ADAMTS12: variants seen among roughly 807,000 people sequenced by gnomAD.
The protein encoded by ADAMTS12 is ADAM metallopeptidase with thrombospondin type 1 motif 12, also known as A disintegrin and metalloproteinase with thrombospondin motifs 12.
A neutral mutation model predicts 167.8 loss-of-function variants in ADAMTS12; 118 were observed. The observed-to-expected ratio is 0.70, with a 90% CI of 0.61 to 0.82. The LOEUF is 0.82. Among genes scored for constraint, ADAMTS12 ranks in the 40% least tolerant of loss-of-function variants. The probability of loss-of-function intolerance (pLI) is 0.00; values close to 1 mark genes in which losing one functional copy is unlikely to be tolerated. For synonymous variants in ADAMTS12, 704 were observed against 716.9 expected, an observed-to-expected ratio of 0.98 and a Z score of 0.29; for missense variants, 1,916 against 1,998.8, an observed-to-expected ratio of 0.96 and a Z score of 0.79.
chr5:33,655,702 C>T (rs1741034871), intron 7 of ADAMTS12, among the ~76,000 whole-genome samples: 1 of 151,108 alleles, frequency 6.6e-6, no homozygotes, highest in Admixed American at 6.6e-5. Flanking sequence ...AGGTTTGTTA[C>T]ATAAGTATAC....
At chr5:33,585,613 T>A (rs968614834) in intron 18 of ADAMTS12, among the ~76,000 whole-genome samples, 3 of 152,170 alleles carry the variant, frequency 2.0e-5, no homozygotes, top group Admixed American at 2.0e-4. Context: ...ATCTGGGAAG[T>A]AAGGGAGTCA....
At chr5:33,818,818 G>T (rs1372212333) in intron 2 of ADAMTS12, among the ~76,000 whole-genome samples, 1 of 151,894 alleles carries the variant, frequency 6.6e-6, no homozygotes, top group Non-Finnish European at 1.5e-5. Flanking sequence ...ATTTTAATTT[G>T]CATTTCCTTG....
At chr5:33,850,924 T>A (rs997660589) in intron 2 of ADAMTS12, among the ~76,000 whole-genome samples, 1 of 152,168 alleles carries the variant, frequency 6.6e-6, no homozygotes, top group Admixed American at 6.5e-5. Context: ...TATAAGATCT[T>A]AGGAATTAGC....
chr5:33,683,058 T>C lies in ADAMTS12; in HGVS notation c.875A>G (p.His292Arg), dbSNP rs751124337. Reference protein sequence around the residue: ...FHNPSIGNAIHIVVVRLILLE... With the variant: ...FHNPSIGNAIRIVVVRLILLE... ...TAGAATGAGCCGAACCACAACAATG[T>C]GAATTGCATTGCCAATGCTTGGGTT... Residue 292 changes from histidine (H) to arginine (R), a missense_variant, in exon 5 of 24, where the codon CAC (histidine) becomes CGC (arginine). His to Arg is a conservative substitution (Grantham distance 29). Transcript: ENST00000504830. 8 of 1,613,406 alleles carry C rather than the reference T, an allele frequency of 5.0e-6. No individual in the cohort carries two copies. In the African/African-American group the frequency reaches 9.4e-5, roughly 19 times the overall value.
chr5:33,827,716 TAGA>T, intron 2 of ADAMTS12, among the ~76,000 whole-genome samples: 1 of 63,802 alleles, frequency 1.6e-5, no homozygotes, highest in Non-Finnish European at 3.4e-5. Flanking sequence ...ACAAAATAGA[TAGA>T]TAGATAGATA....
At chr5:33,849,019 T>C (rs1303738924) in intron 2 of ADAMTS12, among the ~76,000 whole-genome samples, 1 of 149,858 alleles carries the variant, frequency 6.7e-6, no homozygotes. Context: ...TATATATATG[T>C]ATTGCATAGC....
At chr5:33,834,942 G>A (rs1748449037) in intron 2 of ADAMTS12, among the ~76,000 whole-genome samples, 1 of 152,174 alleles carries the variant, frequency 6.6e-6, no homozygotes, top group African/African-American at 2.4e-5. Flanking sequence ...CTTGCAGGGA[G>A]AGGGAGCAGG....
At chr5:33,645,422 G>A (rs772412871) in intron 9 of ADAMTS12, among the ~76,000 whole-genome samples, 18 of 151,982 alleles carry the variant, frequency 1.2e-4, no homozygotes, top group Non-Finnish European at 1.9e-4. Context: ...TGAGAATCGC[G>A]GCTTCATGCA....
At chr5:33,614,202 T>C (rs1231836774) in intron 16 of ADAMTS12, 36 bp downstream of exon 16, 1 of 1,606,640 alleles carries the variant, frequency 6.2e-7, no homozygotes, top group Non-Finnish European at 8.5e-7. Flanking sequence ...GCTCTGAGGC[T>C]GGCATGGCTT....
chr5:33,701,194 A>G (rs1011198763), intron 3 of ADAMTS12, among the ~76,000 whole-genome samples: 3 of 152,206 alleles, frequency 2.0e-5, no homozygotes, highest in African/African-American at 7.2e-5. Flanking sequence ...TTAGCCTATG[A>G]AAGGGCCTAG....
At chr5:33,759,640 T>C (rs549231629) in intron 2 of ADAMTS12, among the ~76,000 whole-genome samples, 4 of 152,326 alleles carry the variant, frequency 2.6e-5, no homozygotes, top group South Asian at 2.1e-4. Context: ...TCCTGAAGTA[T>C]GGTTAACATA....
At position 33,873,051 on chromosome 5, in the gene ADAMTS12, A is replaced by G. The variant is rs183505240; in HGVS notation, c.489+8068T>C. Among the ~76,000 whole-genome samples the G allele has an allele frequency of 1.4e-3, 219 of 152,266 alleles. 2 individuals are homozygous for G. Among genetic ancestry groups the G allele is most frequent in the African/African-American group, 5.1e-3 (213 of 41,566 alleles). On this transcript the variant is annotated intron_variant, in intron 2 of 23. Coordinates refer to ENST00000504830, the MANE Select transcript of ADAMTS12 (RefSeq NM_030955.4). Reference sequence around the variant, plus strand: ...TCCTCTTTCACCACTCCTTTTTGACACCATATTGAAAGTTCTAGGTAGTAC... The same window carrying G: ...TCCTCTTTCACCACTCCTTTTTGACGCCATATTGAAAGTTCTAGGTAGTAC...
chr5:33,767,154 A>G (rs1238585934), intron 2 of ADAMTS12, among the ~76,000 whole-genome samples: 1 of 152,230 alleles, frequency 6.6e-6, no homozygotes, highest in Non-Finnish European at 1.5e-5. Flanking sequence ...TATTCATTAT[A>G]TAAACTTAAA....
At chr5:33,785,758 A>G (rs1243034630) in intron 2 of ADAMTS12, among the ~76,000 whole-genome samples, 1 of 152,240 alleles carries the variant, frequency 6.6e-6, no homozygotes, top group East Asian at 1.9e-4. Flanking sequence ...CCAGTTGGGC[A>G]GCTTCTCAAA....
intron 16 of ADAMTS12, among the ~76,000 whole-genome samples, chr5:33,596,980 T>C (rs531989117): frequency 7.9e-4 from 121 of 152,296 alleles, no homozygotes; most frequent in African/African-American, 2.8e-3. Flanking sequence ...TGAAGCCTTG[T>C]CCCAGGCACT....
At chr5:33,611,625 T>C (rs749249002) in intron 16 of ADAMTS12, among the ~76,000 whole-genome samples, 7 of 152,166 alleles carry the variant, frequency 4.6e-5, no homozygotes, top group African/African-American at 7.2e-5. Flanking sequence ...AACCTAGAAA[T>C]TTCACACAGA....
intron 19 of ADAMTS12, among the ~76,000 whole-genome samples, chr5:33,573,226 C>A (rs1345265402): frequency 2.0e-5 from 3 of 151,932 alleles, no homozygotes; most frequent in African/African-American, 4.8e-5. Flanking sequence ...CAATGACTTT[C>A]TTCACAGAAT....
intron 5 of ADAMTS12, among the ~76,000 whole-genome samples, chr5:33,667,249 C>T (rs1156425196): frequency 5.2e-5 from 7 of 135,354 alleles, no homozygotes; most frequent in African/African-American, 1.4e-4. Flanking sequence ...ACCCAAGAGG[C>T]GGAGGTTGCA....
At chr5:33,532,044 C>T (rs1265408393) in intron 23 of ADAMTS12, among the ~76,000 whole-genome samples, 3 of 152,154 alleles carry the variant, frequency 2.0e-5, no homozygotes, top group African/African-American at 4.8e-5. Flanking sequence ...CAATTGGATT[C>T]CACTTCCAAA....
Sources: allele counts gnomAD v4.1 joint callset (sites outside exome capture counted in the v4.1 genomes callset), GRCh38; gene constraint gnomAD v4.1.1; transcripts MANE v1.5; gene names NCBI Gene and HGNC (gene_info 2026-07-23, HGNC 2026-07-21).